Variants in GPC5 observed in about 807,000 individuals in gnomAD.
GPC5 encodes glypican 5, also known as glypican-5.
In GPC5, 47 loss-of-function variants were observed where a neutral mutation model predicts 53.9. The ratio of observed to expected loss-of-function variants is 0.87; its 90% confidence interval spans 0.69 to 1.11. GPC5 has a LOEUF of 1.11. Ranked by LOEUF, GPC5 falls within the 50% of genes most tolerant of loss-of-function variation. The pLI, the probability that GPC5 is intolerant of heterozygous loss-of-function variation, is 0.00. For missense variants in GPC5, 748 were observed against 713.1 expected (o/e 1.05, Z -0.56); for synonymous variants, 286 against 263.3 (o/e 1.09, Z -0.84).
chr13:91,551,521 T>A (rs1030092324), intron 2 of GPC5, among the ~76,000 whole-genome samples: 1 of 152,258 alleles, frequency 6.6e-6, no homozygotes, highest in Non-Finnish European at 1.5e-5. Flanking sequence ...GAATAGCGAA[T>A]TCCATGGTAT....
intron 3 of GPC5, among the ~76,000 whole-genome samples, chr13:91,695,107 T>C (rs905918701): frequency 1.3e-5 from 2 of 152,160 alleles, no homozygotes; most frequent in South Asian, 4.1e-4. Flanking sequence ...CACAGCAGCA[T>C]AGGGTAATGT....
At chr13:92,596,177 G>A (rs1233789294) in intron 7 of GPC5, among the ~76,000 whole-genome samples, 1 of 146,388 alleles carries the variant, frequency 6.8e-6, no homozygotes, top group African/African-American at 2.4e-5. Flanking sequence ...CATTTAACTA[G>A]TGGCAGTCCC....
chr13:92,170,904 A>G (rs2042065936), intron 7 of GPC5, among the ~76,000 whole-genome samples: 2 of 152,320 alleles, frequency 1.3e-5, no homozygotes, highest in Non-Finnish European at 1.5e-5. Flanking sequence ...CACATGGAGT[A>G]GGAGACACAA....
At chr13:91,555,820 C>T (rs2030914468) in intron 2 of GPC5, among the ~76,000 whole-genome samples, 1 of 152,008 alleles carries the variant, frequency 6.6e-6, no homozygotes, top group Non-Finnish European at 1.5e-5. Flanking sequence ...GGGGTCTCCC[C>T]TTATAAAACC....
At chr13:92,579,815 C>A (rs1308927901) in intron 7 of GPC5, among the ~76,000 whole-genome samples, 1 of 152,104 alleles carries the variant, frequency 6.6e-6, no homozygotes, top group Non-Finnish European at 1.5e-5. Flanking sequence ...ATACCTAGAC[C>A]TAACACATCC....
intron 2 of GPC5, among the ~76,000 whole-genome samples, chr13:91,580,703 C>T (rs981495673): frequency 6.6e-6 from 1 of 152,230 alleles, no homozygotes; most frequent in Non-Finnish European, 1.5e-5. Context: ...AGGATAAGCT[C>T]TTACCATCCA....
intron 5 of GPC5, among the ~76,000 whole-genome samples, chr13:91,867,553 G>A (rs1456893746): frequency 1.3e-5 from 2 of 152,154 alleles, no homozygotes; most frequent in African/African-American, 2.4e-5. Context: ...ATCCTCAAAT[G>A]TTATCTAAAG....
At chr13:92,091,637 A>G (rs1018885106) in intron 6 of GPC5, among the ~76,000 whole-genome samples, 6 of 152,086 alleles carry the variant, frequency 3.9e-5, no homozygotes, top group African/African-American at 9.7e-5. Context: ...TGATAAATGT[A>G]CCACGAATGA....
At chr13:92,534,914 A>G (rs775927355) in intron 7 of GPC5, among the ~76,000 whole-genome samples, 6 of 152,214 alleles carry the variant, frequency 3.9e-5, no homozygotes, top group Non-Finnish European at 7.3e-5. Flanking sequence ...GAAGAAAGCC[A>G]TATTAGTTTT....
intron 7 of GPC5, among the ~76,000 whole-genome samples, chr13:92,470,827 G>A (rs939743178): frequency 6.6e-6 from 1 of 152,136 alleles, no homozygotes; most frequent in African/African-American, 2.4e-5. Flanking sequence ...GGGCTTTAGG[G>A]GACTTTGCTT....
intron 7 of GPC5, among the ~76,000 whole-genome samples, chr13:92,591,913 C>T (rs1883725035): frequency 6.6e-6 from 1 of 152,140 alleles, no homozygotes. Context: ...ATGTGAGCAC[C>T]TGCTAAGCCC....
chr13:92,597,262 A>ATT (rs112041986), intron 7 of GPC5, among the ~76,000 whole-genome samples: 2 of 145,728 alleles, frequency 1.4e-5, no homozygotes, highest in African/African-American at 5.0e-5. Flanking sequence ...TAATGCCAGG[A>ATT]TTTTTTTTTT....
intron 2 of GPC5, among the ~76,000 whole-genome samples, chr13:91,677,814 A>G (rs1279896571): frequency 1.3e-5 from 2 of 152,174 alleles, no homozygotes; most frequent in Non-Finnish European, 2.9e-5. Context: ...GTTTTTAAAT[A>G]TATATTTCTA....
intron 4 of GPC5, among the ~76,000 whole-genome samples, chr13:91,738,199 T>A (rs962018080): frequency 6.6e-6 from 1 of 151,492 alleles, no homozygotes; most frequent in Non-Finnish European, 1.5e-5. Flanking sequence ...AAATTTTCTT[T>A]ATAGATGTAA....
intron 7 of GPC5, among the ~76,000 whole-genome samples, chr13:92,453,671 C>A (rs1878154486): frequency 6.6e-6 from 1 of 152,038 alleles, no homozygotes; most frequent in South Asian, 2.1e-4. Context: ...TGTCTTTTCT[C>A]CCTAATCTCT....
At chr13:92,528,863 T>C (rs899811762) in intron 7 of GPC5, among the ~76,000 whole-genome samples, 1 of 151,978 alleles carries the variant, frequency 6.6e-6, no homozygotes, top group Admixed American at 6.6e-5. Flanking sequence ...GGTTAGACTA[T>C]TTTCTTGAAA....
At chr13:91,900,174 T>A (rs925496955) in intron 5 of GPC5, among the ~76,000 whole-genome samples, 9 of 152,174 alleles carry the variant, frequency 5.9e-5, no homozygotes, top group African/African-American at 2.2e-4. Flanking sequence ...AAAAAAGCTA[T>A]ATAAGATTCT....
chr13:91,550,014 C>T (rs1248453500), intron 2 of GPC5, among the ~76,000 whole-genome samples: 1 of 152,098 alleles, frequency 6.6e-6, no homozygotes, highest in Non-Finnish European at 1.5e-5. Flanking sequence ...AGTTGTTCCT[C>T]AGTGGGTGAA....
chr13:91,717,793 G>T (rs1373376776), intron 3 of GPC5, among the ~76,000 whole-genome samples: 1 of 152,050 alleles, frequency 6.6e-6, no homozygotes, highest in Non-Finnish European at 1.5e-5. Context: ...CTGACCTTGT[G>T]ATCTGCCCAC....
Sources: gnomAD v4.1 joint callset for allele counts (sites outside exome capture counted in the v4.1 genomes callset) on GRCh38, gnomAD v4.1.1 for gene constraint, MANE v1.5 for transcripts, NCBI Gene and HGNC (gene_info 2026-07-23, HGNC 2026-07-21) for gene names.